The following ABCA8 variants were observed in gnomAD, a reference collection of about 807,000 sequenced individuals.
ABCA8 encodes the protein ATP binding cassette subfamily A member 8.
In ABCA8, 177 loss-of-function variants were observed where a neutral mutation model predicts 192.3. The observed-to-expected ratio is 0.92, with a 90% CI of 0.81 to 1.04. The LOEUF is 1.04. Among genes scored for constraint, ABCA8 ranks in the 50% least tolerant of loss-of-function variants. The pLI, the probability that ABCA8 is intolerant of heterozygous loss-of-function variation, is 0.00. For synonymous variants in ABCA8, 642 were observed against 690.2 expected, an observed-to-expected ratio of 0.93 and a Z score of 1.09; for missense variants, 1,915 against 1,904.8, an observed-to-expected ratio of 1.01 and a Z score of -0.10.
chr17:68,906,604 T>C (rs925134485), intron 18 of ABCA8, among the ~76,000 whole-genome samples: 20 of 152,218 alleles, frequency 1.3e-4, no homozygotes, highest in Middle Eastern at 3.4e-3. Flanking sequence ...TGGTGTAGAA[T>C]CTTCTGTAGT....
chr17:68,884,564 T>C, intron 27 of ABCA8, 168 bp from the exon 28 acceptor site: 6 of 1,317,654 alleles, frequency 4.6e-6, no homozygotes, highest in Non-Finnish European at 3.9e-6. Flanking sequence ...CCTCCCAAGG[T>C]CTATGAGCTT....
At chr17:68,913,254 C>T (rs753925285) in intron 17 of ABCA8, among the ~76,000 whole-genome samples, 6 of 151,908 alleles carry the variant, frequency 3.9e-5, no homozygotes, top group Admixed American at 2.0e-4. Context: ...GGAAGCATTA[C>T]TAAATGGAGA....
chr17:68,869,451 C>T (rs552674229), intron 38 of ABCA8, among the ~76,000 whole-genome samples: 3 of 152,130 alleles, frequency 2.0e-5, no homozygotes, highest in Admixed American at 6.5e-5. Context: ...GTTTTACCAA[C>T]ATACATGCAA....
intron 37 of ABCA8, among the ~76,000 whole-genome samples, chr17:68,873,940 T>C (rs1427987538): frequency 6.6e-6 from 1 of 152,220 alleles, no homozygotes; most frequent in Non-Finnish European, 1.5e-5. Flanking sequence ...CATATTGTTT[T>C]GATTTGTGTA....
Position 68,872,687 on chromosome 17 carries a change from T to C in ABCA8, c.4631+2573A>G, listed in dbSNP as rs185542314. ...TGTCATTGCCCCGAAGACCTTCCAGTGGGACAAGATGTGGAGATAGAAGAC... is the reference window on the plus strand; with the variant it reads ...TGTCATTGCCCCGAAGACCTTCCAGCGGGACAAGATGTGGAGATAGAAGAC... On this transcript the variant is annotated intron_variant, in intron 37 of 39. Coordinates refer to ENST00000586539, the MANE Select transcript of ABCA8 (RefSeq NM_001288985.2). 2.0e-4 allele frequency among the ~76,000 whole-genome samples: 30 copies of C among 152,156 alleles called. No individual in the cohort carries two copies. The Middle Eastern group carries it at 0.017, about 86-fold the overall frequency.
Position 68,924,831 on chromosome 17 carries a change from T to C in ABCA8, c.1312A>G (p.Lys438Glu). ...GHRRPPLFFLKSSFWSQTQKT... is the reference protein window; with the variant it reads ...GHRRPPLFFLESSFWSQTQKT... ...TGTGTTTGAGACCAAAATGAGGACT[T>C]CAGGAAAAACAAAGGTGGACGTCGA... is the stretch of plus-strand genomic sequence containing the variant. Residue 438 changes from lysine to glutamate, a missense_variant, in exon 11 of 40, where the codon AAG becomes GAG. Coordinates refer to ENST00000586539, the MANE Select transcript of ABCA8 (RefSeq NM_001288985.2). The C allele has an allele frequency of 6.2e-7, 1 of 1,614,082 alleles. No individual in the cohort carries two copies. The highest frequency in any genetic ancestry group is 8.5e-7 in the Non-Finnish European group (1 of 1,179,958).
At position 68,939,777 on chromosome 17, in the gene ABCA8, C is replaced by T. The variant is rs150084382; in HGVS notation, c.301+981G>A. 4.8e-3 allele frequency among the ~76,000 whole-genome samples: 728 copies of T among 152,144 alleles called. 9 individuals carry two copies. Among genetic ancestry groups the T allele is most frequent in the African/African-American group, 0.016 (660 of 41,510 alleles). ...AAGACAGATTGAGTTGGGCCTCTTACGCTCAACTGAAATATTTATGAAAAA... is the reference window on the plus strand; with the variant it reads ...AAGACAGATTGAGTTGGGCCTCTTATGCTCAACTGAAATATTTATGAAAAA... On this transcript the variant is annotated intron_variant, in intron 4 of 39. Coordinates refer to ENST00000586539, the MANE Select transcript of ABCA8 (RefSeq NM_001288985.2).
At chr17:68,877,415 T>A in intron 33 of ABCA8, 104 bp downstream of exon 33, 1 of 1,086,414 alleles carries the variant, frequency 9.2e-7, no homozygotes, top group Non-Finnish European at 1.3e-6. Flanking sequence ...GTGACCTGGG[T>A]CAGCATTTAG....
chr17:68,918,071 T>C lies in ABCA8; in HGVS notation c.2023A>G (p.Met675Val). 2.5e-6 allele frequency: 4 copies of C among 1,614,190 alleles called. No homozygotes were observed. The highest frequency in any genetic ancestry group is 2.2e-5 in the South Asian group (2 of 91,084). Residue 675 changes from methionine (M) to valine (V), a missense_variant, in exon 16 of 40, where the codon ATG becomes GTG. Met to Val is a conservative substitution (Grantham distance 21, BLOSUM62 1). Transcript: ENST00000586539. Reference sequence around the variant, plus strand: ...CCCGCCAGGATGTCGGCCTCATCCATGAACTGGGTACTGAAGAGGATCACG... The same window carrying C: ...CCCGCCAGGATGTCGGCCTCATCCACGAACTGGGTACTGAAGAGGATCACG... ...DRVILFSTQF[M>V]DEADILADRK... is the part of the protein sequence containing the mutation.
In ABCA8 at chr17:68,881,928, T is replaced by C; in HGVS notation, c.3881A>G (p.Lys1294Arg). Residue 1294 changes from lysine to arginine, a missense_variant, in exon 31 of 40, where the codon AAA becomes AGA. Transcript: ENST00000586539. ...CLRKEYAGKR[K>R]GCFSKRKNKI... ...ATTCTTCCTCTTGGAAAAACAGCCT[T>C]TCCTCTTCCCTGCATACTCCTTGCG... 6.2e-7 allele frequency: 1 copy of C among 1,614,108 alleles called. No homozygotes were observed. The highest frequency in any genetic ancestry group is 8.5e-7 in the Non-Finnish European group (1 of 1,179,948).
At chr17:68,906,325 C>A (rs2067066914) in intron 18 of ABCA8, among the ~76,000 whole-genome samples, 162 bp from the exon 19 acceptor site, 1 of 152,050 alleles carries the variant, frequency 6.6e-6, no homozygotes, top group Admixed American at 6.5e-5. Context: ...TCTGCAAATT[C>A]TATATATTAT....
chr17:68,928,957 A>G (rs2067777562), intron 9 of ABCA8, 92 bp downstream of exon 9: 1 of 1,116,354 alleles, frequency 9.0e-7, no homozygotes, highest in South Asian at 4.1e-5. Context: ...TAAGCCTTAC[A>G]ATGCTGAGTT....
At chr17:68,918,257 C>T (rs1485597207) in intron 15 of ABCA8, 72 bp from the exon 16 acceptor site, 1 of 1,579,420 alleles carries the variant, frequency 6.3e-7, no homozygotes, top group Non-Finnish European at 8.6e-7. Flanking sequence ...ACGCAAAAAC[C>T]ATATTGATTA....
In ABCA8 at chr17:68,924,845, G is replaced by A. The variant is rs1567866620; in HGVS notation, c.1298C>T (p.Pro433Leu). 2.5e-6 allele frequency: 4 copies of A among 1,613,986 alleles called. No individual in the cohort carries two copies. The highest frequency in any genetic ancestry group is 1.1e-5 in the South Asian group (1 of 91,058). ...LPNEYGHRRP[P>L]LFFLKSSFWS... is the part of the protein sequence containing the mutation. Reference sequence around the variant, plus strand: ...AAATGAGGACTTCAGGAAAAACAAAGGTGGACGTCGATGTCCATATTCATC... The same window carrying A: ...AAATGAGGACTTCAGGAAAAACAAAAGTGGACGTCGATGTCCATATTCATC... The change falls in exon 11 of 40, where the codon CCT becomes CTT. Residue 433 changes from proline (P) to leucine (L), a missense_variant. Physicochemically the swap from Pro to Leu is moderately conservative, Grantham distance 98. Coordinates refer to ENST00000586539, the MANE Select transcript of ABCA8 (RefSeq NM_001288985.2).
Position 68,918,556 on chromosome 17 carries a change from A to G in ABCA8, c.1789-10T>C. Reference sequence around the variant, plus strand: ...GCAGAACCCTTTGTATCTAACCAAAAGACAGTATTTATGTCATACACCAAA... The same window carrying G: ...GCAGAACCCTTTGTATCTAACCAAAGGACAGTATTTATGTCATACACCAAA... On this transcript the variant is annotated splice_polypyrimidine_tract_variant and intron_variant, in intron 14 of 39. Coordinates refer to ENST00000586539, the MANE Select transcript of ABCA8 (RefSeq NM_001288985.2). 2 of 1,484,066 alleles carry G rather than the reference A, an allele frequency of 1.3e-6. No homozygotes were observed. Among genetic ancestry groups the G allele is most frequent in the Non-Finnish European group, 1.8e-6 (2 of 1,128,684 alleles). 91.9% of individuals were successfully genotyped at this position (1,484,066 alleles called of 1,614,324 possible).
At position 68,868,310 on chromosome 17, in the gene ABCA8, G is replaced by A; in HGVS notation, c.4758C>T (p.Thr1586=). ...CCTAAAAATGACCCACCTGCTCCAG[G>A]GTAGACTGTGAGAGGCTGTACTCCT... is the stretch of plus-strand genomic sequence containing the variant. ...DLEEYSLSQS[T]LEQVFLELSK... is the part of the protein sequence containing the mutation. Residue 1586 remains threonine, a synonymous_variant, in exon 39 of 40, where the codon ACC becomes ACT. Coordinates refer to ENST00000586539, the MANE Select transcript of ABCA8 (RefSeq NM_001288985.2). 1 of 1,613,640 alleles carries A rather than the reference G, an allele frequency of 6.2e-7. No homozygotes were observed. Among genetic ancestry groups the A allele is most frequent in the Non-Finnish European group, 8.5e-7 (1 of 1,179,698 alleles).
intron 32 of ABCA8, chr17:68,879,360 C>T (rs1309202473): frequency 3.3e-5 from 5 of 152,214 alleles, no homozygotes; most frequent in Admixed American, 6.5e-5. Flanking sequence ...TGACTGATGG[C>T]AGTATAAATA....
At chr17:68,905,632 C>T (rs2067045834) in intron 19 of ABCA8, among the ~76,000 whole-genome samples, 1 of 152,010 alleles carries the variant, frequency 6.6e-6, no homozygotes, top group Non-Finnish European at 1.5e-5. Flanking sequence ...AAAAACCTGA[C>T]ACCAGAGAAT....
chr17:68,904,397 AG>A (rs1016771487), intron 19 of ABCA8, among the ~76,000 whole-genome samples: 4 of 151,964 alleles, frequency 2.6e-5, no homozygotes, highest in African/African-American at 9.6e-5. Context: ...TGTCTTACCA[AG>A]GGAATAAATA....
Sources: allele counts gnomAD v4.1 joint callset (sites outside exome capture counted in the v4.1 genomes callset), GRCh38; gene constraint gnomAD v4.1.1; transcripts MANE v1.5; gene names NCBI Gene and HGNC (gene_info 2026-07-23, HGNC 2026-07-21).